The following AGBL1 variants were observed in gnomAD, a reference collection of about 807,000 sequenced individuals.
The protein encoded by AGBL1 is cytosolic carboxypeptidase 4.
AGBL1 carries 130 observed loss-of-function variants against 118.9 expected under a neutral mutation model. The ratio of observed to expected loss-of-function variants is 1.09; its 90% CI spans 0.95 to 1.26. The LOEUF (loss-of-function observed/expected upper bound fraction) is 1.26, where lower values mean the gene tolerates loss of function less well. Among genes scored for constraint, AGBL1 ranks in the 50% most tolerant of loss-of-function variants. AGBL1 has a pLI of 0.00. For synonymous variants in AGBL1, 555 were observed against 478.9 expected, an observed-to-expected ratio of 1.16 and a Z score of -2.08; for missense variants, 1,584 against 1,298.1, an observed-to-expected ratio of 1.22 and a Z score of -3.38.
chr15:86,354,217 G>T (rs146976296), intron 17 of AGBL1, among the ~76,000 whole-genome samples: 5 of 152,320 alleles, frequency 3.3e-5, no homozygotes, highest in Non-Finnish European at 5.9e-5. Context: ...TTGCTCCAAG[G>T]TATGGTTCAG....
chr15:86,889,863 C>T (rs1310587270), intron 22 of AGBL1, among the ~76,000 whole-genome samples: 2 of 152,130 alleles, frequency 1.3e-5, no homozygotes, highest in Non-Finnish European at 2.9e-5. Context: ...CATACATATG[C>T]ATGTATCTTT....
rs1384288353 is a variant in AGBL1, at chr15:86,125,735, A to T, written c.52-16269A>T. 3.3e-5 allele frequency among the ~76,000 whole-genome samples: 5 copies of T among 152,348 alleles called. No homozygotes were observed. In the East Asian group the frequency reaches 9.6e-4, roughly 29 times the overall value. ...TTAGTGTCCCAGCCATGTGTCCCAG[A>T]TTCATGGAAAGGATCAAAGTCAAAA... On this transcript the variant is annotated intron_variant, in intron 1 of 22. Coordinates refer to ENST00000614907, the MANE Select transcript of AGBL1 (RefSeq NM_001386094.1).
chr15:86,269,045 T>G (rs6496317), intron 13 of AGBL1, among the ~76,000 whole-genome samples: 7,248 of 152,126 alleles, frequency 0.048, 589 homozygotes, highest in African/African-American at 0.16. Flanking sequence ...AAAATAATAA[T>G]CTTTGGAGAT....
At chr15:86,477,726 A>G (rs978059014) in intron 18 of AGBL1, among the ~76,000 whole-genome samples, 2 of 152,226 alleles carry the variant, frequency 1.3e-5, no homozygotes, top group Non-Finnish European at 2.9e-5. Context: ...TCCCTAACTC[A>G]TTTTATGAGG....
At chr15:86,638,591 C>G (rs1311962523) in intron 21 of AGBL1, among the ~76,000 whole-genome samples, 2 of 152,258 alleles carry the variant, frequency 1.3e-5, no homozygotes, top group Admixed American at 6.5e-5. Context: ...CTGTCAGCCC[C>G]ACACTTTGTT....
At chr15:86,289,121 C>G (rs1368344381) in intron 16 of AGBL1, among the ~76,000 whole-genome samples, 1 of 151,660 alleles carries the variant, frequency 6.6e-6, no homozygotes, top group East Asian at 1.9e-4. Context: ...CATTTTTTTT[C>G]CTTTCTCTCC....
intron 3 of AGBL1, among the ~76,000 whole-genome samples, chr15:86,154,132 G>A (rs1310707096): frequency 6.6e-6 from 1 of 151,994 alleles, no homozygotes; most frequent in Non-Finnish European, 1.5e-5. Context: ...TCGTCTTAAA[G>A]GAACAACTTT....
chr15:86,490,773 G>A (rs924746217), intron 18 of AGBL1, among the ~76,000 whole-genome samples: 1 of 152,030 alleles, frequency 6.6e-6, no homozygotes, highest in Non-Finnish European at 1.5e-5. Flanking sequence ...TTTCTCAGTG[G>A]CACCTGCTGT....
intron 23 of AGBL1, among the ~76,000 whole-genome samples, chr15:86,954,625 A>C (rs555981697): frequency 5.3e-5 from 8 of 152,246 alleles, no homozygotes; most frequent in African/African-American, 1.9e-4. Flanking sequence ...TAAACATGGG[A>C]ACATAGACGC....
At chr15:86,748,894 G>C (rs187582284) in intron 22 of AGBL1, among the ~76,000 whole-genome samples, 1 of 152,080 alleles carries the variant, frequency 6.6e-6, no homozygotes. Flanking sequence ...CCAGTTCCAT[G>C]CTCTTTTGGT....
At chr15:86,635,699 A>C (rs1446051461) in intron 21 of AGBL1, among the ~76,000 whole-genome samples, 1 of 152,134 alleles carries the variant, frequency 6.6e-6, no homozygotes, top group African/African-American at 2.4e-5. Context: ...GAAAAAGATT[A>C]CATATTACAA....
At chr15:86,929,149 C>T (rs1392975754) in intron 23 of AGBL1, among the ~76,000 whole-genome samples, 1 of 152,056 alleles carries the variant, frequency 6.6e-6, no homozygotes, top group Non-Finnish European at 1.5e-5. Flanking sequence ...TACATTCTTT[C>T]CTATTTGGTT....
intron 23 of AGBL1, among the ~76,000 whole-genome samples, chr15:86,984,065 G>T (rs2081256789): frequency 6.6e-6 from 1 of 152,038 alleles, no homozygotes; most frequent in Non-Finnish European, 1.5e-5. Flanking sequence ...AGAAATTTTT[G>T]GGTTGTATGG....
intron 24 of AGBL1, chr15:87,028,731 A>G (rs2081758618): frequency 1.8e-6 from 2 of 1,117,306 alleles, no homozygotes; most frequent in South Asian, 2.6e-5. Context: ...TGAATTTCGT[A>G]TCTCTAAAAG....
intron 6 of AGBL1, among the ~76,000 whole-genome samples, chr15:86,236,295 A>G (rs930086790): frequency 6.6e-6 from 1 of 151,650 alleles, no homozygotes; most frequent in Non-Finnish European, 1.5e-5. Flanking sequence ...ACAGAGCACT[A>G]GACATCTCTT....
At chr15:86,874,993 AACTG>A (rs1386664133) in intron 22 of AGBL1, among the ~76,000 whole-genome samples, 2 of 152,148 alleles carry the variant, frequency 1.3e-5, no homozygotes, top group African/African-American at 2.4e-5. Context: ...ACAAGTGACA[AACTG>A]ACTATTAATT....
intron 23 of AGBL1, among the ~76,000 whole-genome samples, chr15:86,950,044 A>C (rs1415750421): frequency 2.0e-5 from 3 of 152,048 alleles, no homozygotes; most frequent in Non-Finnish European, 2.9e-5. Context: ...TAAATAAGAC[A>C]GGGGTGAAAT....
intron 22 of AGBL1, among the ~76,000 whole-genome samples, chr15:86,798,338 T>G (rs1451434889): frequency 6.6e-6 from 1 of 152,158 alleles, no homozygotes; most frequent in East Asian, 1.9e-4. Flanking sequence ...GGACACACAC[T>G]ACAAGGGTGT....
intron 22 of AGBL1, among the ~76,000 whole-genome samples, chr15:86,841,102 G>A (rs2079238730): frequency 6.6e-6 from 1 of 152,350 alleles, no homozygotes; most frequent in South Asian, 2.1e-4. Flanking sequence ...AGAGAATAGA[G>A]CAGCAAGGAT....
Sources: gnomAD v4.1 joint callset for allele counts (sites outside exome capture counted in the v4.1 genomes callset) on GRCh38, gnomAD v4.1.1 for gene constraint, MANE v1.5 for transcripts, NCBI Gene and HGNC (gene_info 2026-07-23, HGNC 2026-07-21) for gene names.